FAM227B: variants seen among roughly 807,000 people sequenced by gnomAD.
The protein encoded by FAM227B is protein FAM227B.
Under a neutral mutation model 73.8 loss-of-function variants are expected in FAM227B, and 88 were observed. The observed-to-expected ratio is 1.19, with a 90% CI of 1.00 to 1.42. FAM227B has a LOEUF of 1.42. FAM227B is among the 40% of genes most tolerant of loss of function. The pLI, the probability that FAM227B is intolerant of heterozygous loss-of-function variation, is 0.00. For synonymous variants in FAM227B, 210 were observed against 190.5 expected, an observed-to-expected ratio of 1.10 and a Z score of -0.84; for missense variants, 632 against 590.9, an observed-to-expected ratio of 1.07 and a Z score of -0.72.
chr15:49,428,339 C>T (rs1184587566), intron 11 of FAM227B, among the ~76,000 whole-genome samples: 1 of 151,954 alleles, frequency 6.6e-6, no homozygotes, highest in African/African-American at 2.4e-5. Context: ...CATAAAATGT[C>T]CCTCCAAAGT....
At chr15:49,588,698 T>TAC (rs1448283297) in intron 4 of FAM227B, among the ~76,000 whole-genome samples, 24 of 149,470 alleles carry the variant, frequency 1.6e-4, no homozygotes, top group Non-Finnish European at 3.0e-4. Context: ...GACGAATTTA[T>TAC]ACACACACAT....
In FAM227B at chr15:49,368,939, T is replaced by C. The variant is rs148569089; in HGVS notation, c.1111-1331A>G. 4.6e-5 allele frequency among the ~76,000 whole-genome samples: 7 copies of C among 152,176 alleles called. No homozygotes were observed. The East Asian group carries it at 1.4e-3, about 29-fold the overall frequency. ...CAAATAGGTATTAAATGCAATCCCG[T>C]GGTGTTGTTTTTGTTTTGTTTTTGT... On this transcript the variant is annotated intron_variant, in intron 12 of 15. Coordinates refer to ENST00000299338, the MANE Select transcript of FAM227B (RefSeq NM_152647.3).
At chr15:49,516,925 A>C (rs2059415532) in intron 10 of FAM227B, among the ~76,000 whole-genome samples, 1 of 152,172 alleles carries the variant, frequency 6.6e-6, no homozygotes, top group Non-Finnish European at 1.5e-5. Flanking sequence ...GTGATGTGAT[A>C]TGAGATCAGA....
At chr15:49,444,448 T>A (rs12591799) in intron 11 of FAM227B, among the ~76,000 whole-genome samples, 3,526 of 151,874 alleles carry the variant, frequency 0.023, 89 homozygotes, top group South Asian at 0.13. Context: ...CTTTAAAAAC[T>A]TTTTTAGGAT....
In FAM227B at chr15:49,541,528, AAAT is replaced by A. The variant is rs1347027976; in HGVS notation, c.874+149_874+151del. On this transcript the variant is annotated intron_variant, in intron 10 of 15. Transcript: ENST00000299338. Reference sequence around the variant, plus strand: ...TATAATGAAATGTTCAGAAGAAAATAAATAACATTTATTTTAACACATGGGTAC... The same window carrying A: ...TATAATGAAATGTTCAGAAGAAAATAAACATTTATTTTAACACATGGGTAC... 5.0e-6 allele frequency: 3 copies of A among 605,164 alleles called. 1 individual carries two copies. In the East Asian group the frequency reaches 1.1e-4, roughly 22 times the overall value. The allele number at this position is 605,164 out of a possible 1,614,324, so 37.5% of individuals were successfully genotyped here.
chr15:49,424,233 G>A (rs2049931914), intron 11 of FAM227B: 1 of 1,433,514 alleles, frequency 7.0e-7, no homozygotes, highest in Admixed American at 1.7e-5. Flanking sequence ...TGACCTAGGA[G>A]TAACAATCAA....
At chr15:49,506,631 G>A (rs1332374937) in intron 11 of FAM227B, among the ~76,000 whole-genome samples, 1 of 151,638 alleles carries the variant, frequency 6.6e-6, no homozygotes, top group Non-Finnish European at 1.5e-5. Context: ...TTAGACATCA[G>A]TAATTTTAAG....
chr15:49,361,293 A>C (rs1004660221), intron 13 of FAM227B, among the ~76,000 whole-genome samples: 7 of 152,134 alleles, frequency 4.6e-5, no homozygotes, highest in Non-Finnish European at 1.0e-4. Context: ...GAGGTTTGTT[A>C]CATAGGTAAA....
chr15:49,592,912 CG>C (rs1331029677), intron 3 of FAM227B, among the ~76,000 whole-genome samples: 1 of 152,306 alleles, frequency 6.6e-6, no homozygotes, highest in East Asian at 1.9e-4. Flanking sequence ...ACCCCTCCCC[CG>C]ACCAGGCTTC....
intron 13 of FAM227B, among the ~76,000 whole-genome samples, chr15:49,346,648 A>G (rs956872950): frequency 1.3e-5 from 2 of 152,124 alleles, no homozygotes; most frequent in African/African-American, 2.4e-5. Flanking sequence ...TCTATCTTGT[A>G]TCCCTTAGAG....
intron 4 of FAM227B, among the ~76,000 whole-genome samples, chr15:49,589,507 A>G (rs1039609892): frequency 2.7e-5 from 4 of 150,616 alleles, no homozygotes; most frequent in African/African-American, 9.7e-5. Context: ...AATATTTTTA[A>G]TATTTGTACC....
intron 11 of FAM227B, chr15:49,483,184 T>C: frequency 6.3e-7 from 1 of 1,590,090 alleles, no homozygotes; most frequent in Non-Finnish European, 8.5e-7. Flanking sequence ...GCAGTTGGAA[T>C]TGTGGCAATC....
chr15:49,416,514 T>G (rs1204526494), intron 11 of FAM227B, among the ~76,000 whole-genome samples: 2 of 151,912 alleles, frequency 1.3e-5, no homozygotes, highest in Admixed American at 6.6e-5. Flanking sequence ...GTCAGAACTA[T>G]CAGGCAAGAG....
At chr15:49,347,310 G>A (rs1386209078) in intron 13 of FAM227B, among the ~76,000 whole-genome samples, 1 of 152,208 alleles carries the variant, frequency 6.6e-6, no homozygotes, top group Non-Finnish European at 1.5e-5. Flanking sequence ...CATTTTTGAA[G>A]TAGGAGACAG....
chr15:49,547,936 G>A (rs974732924), intron 9 of FAM227B, among the ~76,000 whole-genome samples: 2 of 152,158 alleles, frequency 1.3e-5, no homozygotes, highest in Non-Finnish European at 2.9e-5. Context: ...AGTCAACAAA[G>A]AAATAATGGA....
chr15:49,550,212 C>T (rs1160736112), intron 9 of FAM227B, among the ~76,000 whole-genome samples: 3 of 146,668 alleles, frequency 2.0e-5, no homozygotes, highest in African/African-American at 5.0e-5. Flanking sequence ...GGGGGGCTGA[C>T]CCCCCCACCT....
chr15:49,395,470 T>C (rs978839362), intron 11 of FAM227B, among the ~76,000 whole-genome samples: 3 of 152,204 alleles, frequency 2.0e-5, no homozygotes, highest in African/African-American at 7.2e-5. Context: ...CTCTCAGTTA[T>C]TTTCATCCCT....
At chr15:49,517,646 T>C (rs963021508) in intron 10 of FAM227B, among the ~76,000 whole-genome samples, 4 of 152,276 alleles carry the variant, frequency 2.6e-5, no homozygotes, top group East Asian at 1.9e-4. Context: ...GCAGCTACTA[T>C]TGCCTTTGTT....
chr15:49,574,853 C>T lies in FAM227B; in HGVS notation c.645+158G>A, dbSNP rs547100288. The T allele has an allele frequency of 9.3e-5, 40 of 431,724 alleles. No homozygotes were observed. The Middle Eastern group carries it at 2.6e-3, about 28-fold the overall frequency. The allele number at this position is 431,724 out of a possible 1,614,324, so 26.7% of individuals were successfully genotyped here. On this transcript the variant is annotated intron_variant, in intron 8 of 15. Transcript: ENST00000299338. ...TAAAGTTTTAACTCCTCTGAAAGAA[C>T]TCTAGACATCATATAGGATTTCTAA...
Sources: allele counts gnomAD v4.1 joint callset (sites outside exome capture counted in the v4.1 genomes callset), GRCh38; gene constraint gnomAD v4.1.1; transcripts MANE v1.5; gene names NCBI Gene and HGNC (gene_info 2026-07-23, HGNC 2026-07-21).